The following ARFGEF2 variants were observed in gnomAD, a reference collection of about 807,000 sequenced individuals.
The protein encoded by ARFGEF2 is brefeldin A-inhibited guanine nucleotide-exchange protein 2.
Under a neutral mutation model 219.9 loss-of-function variants are expected in ARFGEF2, and 74 were observed. The observed-to-expected ratio is 0.34, with a 90% CI of 0.28 to 0.41. The LOEUF (loss-of-function observed/expected upper bound fraction) is 0.41. Ranked by LOEUF, ARFGEF2 falls within the 10% of genes least tolerant of loss-of-function variation. ARFGEF2 has a pLI of 1.00. For missense variants in ARFGEF2, 1,743 were observed against 2,218.3 expected (o/e 0.79, Z 4.30); for synonymous variants, 733 against 799.2 (o/e 0.92, Z 1.40).
chr20:49,011,808 TCA>T (rs1449808330), intron 27 of ARFGEF2, 114 bp from the exon 28 acceptor site: 3 of 1,235,618 alleles, frequency 2.4e-6, no homozygotes, highest in African/African-American at 1.5e-5. Context: ...TCTTAGATTT[TCA>T]CAGTTAATTA....
In ARFGEF2 at chr20:48,956,317, T is replaced by A. The variant is rs150440846; in HGVS notation, c.838+2527T>A. Among the ~76,000 whole-genome samples the A allele has an allele frequency of 1.9e-3, 293 of 152,326 alleles. 1 individual carries two copies. The highest frequency in any genetic ancestry group is 6.7e-3 in the African/African-American group (280 of 41,574). ...TAACTGGGAATCCCCCCCACAGCCTTCCTAGGATAATTTGCCTCCCATGTT... is the reference window on the plus strand; with the variant it reads ...TAACTGGGAATCCCCCCCACAGCCTACCTAGGATAATTTGCCTCCCATGTT... On this transcript the variant is annotated intron_variant, in intron 6 of 38. Transcript: ENST00000371917.
intron 3 of ARFGEF2, among the ~76,000 whole-genome samples, chr20:48,945,340 C>T (rs142717689): frequency 0.012 from 1,757 of 152,272 alleles, 31 homozygotes; most frequent in Middle Eastern, 0.024. Context: ...CCAAATGACC[C>T]GCAGAGCCTA....
chr20:48,954,546 A>G (rs931379945), intron 6 of ARFGEF2, among the ~76,000 whole-genome samples: 3 of 152,232 alleles, frequency 2.0e-5, no homozygotes, highest in Admixed American at 6.5e-5. Flanking sequence ...ACCTGTCTTC[A>G]TAACTGATCT....
chr20:48,976,934 GCATTTTATTTTATTT>G (rs1394777589), intron 14 of ARFGEF2, among the ~76,000 whole-genome samples: 65 of 139,718 alleles, frequency 4.7e-4, no homozygotes, highest in African/African-American at 1.8e-3. Flanking sequence ...ATTTTTTTAG[GCATTTTATTTTATTT>G]TATTTTATTT....
At chr20:48,998,539 A>AG in intron 25 of ARFGEF2, 34 bp downstream of exon 25, 1 of 951,474 alleles carries the variant, frequency 1.1e-6, no homozygotes, top group Non-Finnish European at 1.4e-6. Flanking sequence ...ATTCCTGTTA[A>AG]AAAAAAAAAA....
intron 13 of ARFGEF2, among the ~76,000 whole-genome samples, chr20:48,975,658 G>A (rs1246933037): frequency 3.3e-5 from 5 of 151,974 alleles, no homozygotes; most frequent in Admixed American, 6.5e-5. Context: ...AAAATTAGCC[G>A]GGTGTGGTGG....
intron 13 of ARFGEF2, 22 bp downstream of exon 13, chr20:48,974,896 A>G: frequency 6.3e-7 from 1 of 1,581,802 alleles, no homozygotes; most frequent in African/African-American, 1.3e-5. Context: ...TTGCTGCCAC[A>G]CCCACCTCCA....
intron 15 of ARFGEF2, among the ~76,000 whole-genome samples, chr20:48,985,150 A>T (rs1229300326): frequency 6.8e-6 from 1 of 148,016 alleles, no homozygotes; most frequent in Non-Finnish European, 1.5e-5. Context: ...TCTGCAACTA[A>T]CCTCCTTAGT....
intron 6 of ARFGEF2, among the ~76,000 whole-genome samples, chr20:48,963,200 C>CT (rs1356344469): frequency 8.0e-6 from 1 of 124,482 alleles, no homozygotes; most frequent in African/African-American, 3.7e-5. Flanking sequence ...GTAATGTTTA[C>CT]TTCTAAATAT....
chr20:49,010,174 C>A, intron 26 of ARFGEF2, 58 bp from the exon 27 acceptor site: 1 of 1,578,340 alleles, frequency 6.3e-7, no homozygotes, highest in Middle Eastern at 2.1e-4. Context: ...GAGCTATGTT[C>A]ATTTCTCTTC....
At chr20:48,942,095 C>G (rs1019784976) in intron 3 of ARFGEF2, 108 bp downstream of exon 3, 1 of 1,424,882 alleles carries the variant, frequency 7.0e-7, no homozygotes, top group Non-Finnish European at 9.7e-7. Context: ...CTGTCAGAGG[C>G]GATGCAGAAA....
intron 20 of ARFGEF2, among the ~76,000 whole-genome samples, chr20:48,990,347 C>G (rs1600638192): frequency 2.6e-5 from 4 of 152,110 alleles, no homozygotes; most frequent in South Asian, 2.1e-4. Context: ...CAACTCTTCC[C>G]TGGAGAAACA....
rs559008635 is a variant in ARFGEF2, at chr20:49,002,575, A to T, written c.3433-2495A>T. 2.0e-5 allele frequency among the ~76,000 whole-genome samples: 3 copies of T among 152,294 alleles called. No homozygotes were observed. In the South Asian group the frequency reaches 6.2e-4, roughly 32 times the overall value. On this transcript the variant is annotated intron_variant, in intron 25 of 38. Transcript: ENST00000371917. ...AAGGTTCATCTGTGTTGTAGCGTGT[A>T]TCAGAATTTCCATCCTTTTCAAGGC...
intron 6 of ARFGEF2, among the ~76,000 whole-genome samples, chr20:48,954,013 T>TCCCA (rs2091090562): frequency 2.0e-5 from 3 of 152,244 alleles, no homozygotes; most frequent in Non-Finnish European, 4.4e-5. Context: ...AGTACTGGGA[T>TCCCA]GTATCTAGCT....
At chr20:49,032,856 G>A (rs1420125996) in intron 38 of ARFGEF2, among the ~76,000 whole-genome samples, 167 bp from the exon 39 acceptor site, 1 of 151,996 alleles carries the variant, frequency 6.6e-6, no homozygotes, top group Non-Finnish European at 1.5e-5. Flanking sequence ...GCCTCCCCAA[G>A]TGCTGGGATT....
rs551485428 is a variant in ARFGEF2, at chr20:48,940,329, T to C, written c.122-870T>C. Among the ~76,000 whole-genome samples, 25 of 152,354 alleles carry C rather than the reference T, an allele frequency of 1.6e-4. 1 individual carries two copies. The South Asian group carries it at 4.8e-3, about 29-fold the overall frequency. ...GGTTAAGATGGTAAATTTTAGGTTA[T>C]GTATATTTTATTATAATTGTTTTAA... On this transcript the variant is annotated intron_variant, in intron 1 of 38. Coordinates refer to ENST00000371917, the MANE Select transcript of ARFGEF2 (RefSeq NM_006420.3).
intron 25 of ARFGEF2, among the ~76,000 whole-genome samples, chr20:49,004,854 T>G (rs1324957820): frequency 6.6e-6 from 1 of 152,204 alleles, no homozygotes; most frequent in Non-Finnish European, 1.5e-5. Flanking sequence ...ACATTTTAAA[T>G]GCATATTTAA....
intron 22 of ARFGEF2, 92 bp from the exon 23 acceptor site, chr20:48,995,691 C>G: frequency 3.7e-6 from 4 of 1,070,810 alleles, no homozygotes; most frequent in Non-Finnish European, 5.8e-6. Context: ...CCATTTATGT[C>G]CCCTGTCCCT....
chr20:48,940,714 T>C (rs1225007632), intron 1 of ARFGEF2, among the ~76,000 whole-genome samples: 1 of 152,222 alleles, frequency 6.6e-6, no homozygotes, highest in African/African-American at 2.4e-5. Context: ...TTGCTTCTCA[T>C]CAAGAGCAGT....
Sources: gnomAD v4.1 joint callset for allele counts (sites outside exome capture counted in the v4.1 genomes callset) on GRCh38, gnomAD v4.1.1 for gene constraint, MANE v1.5 for transcripts, NCBI Gene and HGNC (gene_info 2026-07-23, HGNC 2026-07-21) for gene names.